Variants in MCMDC2 observed in about 807,000 individuals in gnomAD.
The protein encoded by MCMDC2 is minichromosome maintenance domain-containing protein 2.
Under a neutral mutation model 75.8 loss-of-function variants are expected in MCMDC2, and 54 were observed. The ratio of observed to expected loss-of-function variants is 0.71; its 90% confidence interval spans 0.57 to 0.89. The LOEUF (loss-of-function observed/expected upper bound fraction) is 0.89, where lower values mean the gene tolerates loss of function less well. MCMDC2 is among the 40% of genes least tolerant of loss of function. The pLI, the probability that MCMDC2 is intolerant of heterozygous loss-of-function variation, is 0.00. For missense variants in MCMDC2, 656 were observed against 780.4 expected, an observed-to-expected ratio of 0.84 and a Z score of 1.90; for synonymous variants, 249 against 274.6, an observed-to-expected ratio of 0.91 and a Z score of 0.92.
intron 14 of MCMDC2, among the ~76,000 whole-genome samples, chr8:66,916,316 G>A (rs1813317804): frequency 6.6e-6 from 1 of 152,146 alleles, no homozygotes; most frequent in Non-Finnish European, 1.5e-5. Flanking sequence ...AATGGATACA[G>A]AACCAAGTAG....
chr8:66,887,493 A>G (rs1811900193), intron 9 of MCMDC2, among the ~76,000 whole-genome samples: 1 of 152,094 alleles, frequency 6.6e-6, no homozygotes, highest in Non-Finnish European at 1.5e-5. Flanking sequence ...CGGAGGTTGC[A>G]GTGAGCAGAG....
rs112645348 is a variant in MCMDC2, at chr8:66,890,892, C to G, written c.1101C>G (p.Val367=). 4.3e-6 allele frequency: 7 copies of G among 1,611,590 alleles called. No individual in the cohort carries two copies. In the African/African-American group the frequency reaches 9.4e-5, roughly 22 times the overall value. ...DRLLNFSINL[V]PRGIRHLVST... is the part of the protein sequence containing the mutation. Reference sequence around the variant, plus strand: ...TTCTGAATTTTAGCATAAACCTTGTCCCCCGTGGTATACGTCATCTAGTCT... The same window carrying G: ...TTCTGAATTTTAGCATAAACCTTGTGCCCCGTGGTATACGTCATCTAGTCT... The change falls in exon 10 of 15, where the codon GTC becomes GTG. Residue 367 remains valine (V), a synonymous_variant. Coordinates refer to ENST00000422365, the MANE Select transcript of MCMDC2 (RefSeq NM_173518.5).
intron 11 of MCMDC2, 80 bp from the exon 12 acceptor site, chr8:66,896,700 A>C (rs1812369308): frequency 9.8e-7 from 1 of 1,016,276 alleles, no homozygotes; most frequent in South Asian, 2.7e-5. Flanking sequence ...ACATATAATA[A>C]TTACTTTGTA....
At chr8:66,924,164 C>T (rs1015904692), downstream of MCMDC2, among the ~76,000 whole-genome samples, 1 of 151,870 alleles carries the variant, frequency 6.6e-6, no homozygotes, top group African/African-American at 2.4e-5. Context: ...CCAGTGAAAA[C>T]AGAATTCAAG....
chr8:66,879,333 C>T (rs1811448848), intron 7 of MCMDC2, among the ~76,000 whole-genome samples: 1 of 152,106 alleles, frequency 6.6e-6, no homozygotes, highest in Admixed American at 6.6e-5. Flanking sequence ...TGGCTCACAC[C>T]TGTAATCCCA....
chr8:66,925,416 T>A (rs1253602515), downstream of MCMDC2: 1 of 152,458 alleles, frequency 6.6e-6, no homozygotes, highest in Non-Finnish European at 1.5e-5. Flanking sequence ...GAGTTGGACC[T>A]AAGACCGCGA....
At chr8:66,884,032 G>A in intron 9 of MCMDC2, 38 bp downstream of exon 9, 2 of 1,364,812 alleles carry the variant, frequency 1.5e-6, no homozygotes, top group Non-Finnish European at 2.1e-6. Context: ...ATATTAATTG[G>A]TCACAGATTT....
rs966579732 is a variant in MCMDC2 at position 66,910,083 on chromosome 8, G to C, written c.1879+4748G>C. The stretch of plus-strand genomic sequence containing the variant: ...TACACGTGGTGTTGGGCCTGCGGGT[G>C]CACAGAAGTCAAGAATTGAGGTTTA... On this transcript the variant is annotated intron_variant, in intron 14 of 14. Coordinates refer to ENST00000422365, the MANE Select transcript of MCMDC2 (RefSeq NM_173518.5). Among the ~76,000 whole-genome samples the C allele has an allele frequency of 7.9e-5, 12 of 152,232 alleles. No individual in the cohort carries two copies. In the East Asian group the frequency reaches 2.1e-3, roughly 27 times the overall value.
At chr8:66,877,728 G>C (rs1811361918) in intron 5 of MCMDC2, among the ~76,000 whole-genome samples, 184 bp downstream of exon 5, 1 of 151,976 alleles carries the variant, frequency 6.6e-6, no homozygotes, top group South Asian at 2.1e-4. Context: ...AGCCCAGCAT[G>C]GTGGCACATG....
At chr8:66,874,000 A>G in intron 1 of MCMDC2, 53 bp from the exon 2 acceptor site, 1 of 565,232 alleles carries the variant, frequency 1.8e-6, no homozygotes, top group East Asian at 3.3e-5. Flanking sequence ...AACTTTAATA[A>G]TTTGTAAAGT....
downstream of MCMDC2, chr8:66,926,320 ATGATCTTGTTGC>A (rs1813711827): frequency 6.6e-6 from 1 of 152,252 alleles, no homozygotes; most frequent in African/African-American, 2.4e-5. Context: ...AGAAAGGCTT[ATGATCTTGTTGC>A]CAGAAAGAAT....
At chr8:66,922,597 T>C (rs1457408494), downstream of MCMDC2, 2 of 511,328 alleles carry the variant, frequency 3.9e-6, no homozygotes, top group African/African-American at 3.9e-5. Flanking sequence ...TAACTAACAT[T>C]AATTAAATTT....
intron 14 of MCMDC2, 34 bp downstream of exon 14, chr8:66,905,369 TA>T: frequency 7.2e-7 from 1 of 1,390,434 alleles, no homozygotes; most frequent in South Asian, 1.8e-5. Context: ...TCACTACAAA[TA>T]ACTTTTATTT....
At chr8:66,889,183 C>T (rs559465583) in intron 9 of MCMDC2, among the ~76,000 whole-genome samples, 1 of 152,334 alleles carries the variant, frequency 6.6e-6, no homozygotes, top group South Asian at 2.1e-4. Context: ...TATGTCTACT[C>T]ATCATAGGTG....
chr8:66,901,525 T>G, intron 13 of MCMDC2, 177 bp downstream of exon 13: 1 of 1,310,320 alleles, frequency 7.6e-7, no homozygotes, highest in East Asian at 2.9e-5. Context: ...TATATCATGT[T>G]ACATCATTTT....
chr8:66,916,363 T>G (rs184364059), intron 14 of MCMDC2, among the ~76,000 whole-genome samples: 2 of 152,170 alleles, frequency 1.3e-5, no homozygotes, highest in East Asian at 3.9e-4. Context: ...CTTGATGTCA[T>G]CAGCTGAAAA....
rs532044457 is a variant in MCMDC2 at position 66,921,891 on chromosome 8, A to G, written c.*2722A>G. The G allele has an allele frequency of 6.6e-6, 1 of 152,294 alleles. No homozygotes were observed. The highest frequency in any genetic ancestry group is 6.5e-5 in the Admixed American group (1 of 15,302). The allele number at this position is 152,294 out of a possible 1,614,324, so 9.4% of individuals were successfully genotyped here. The stretch of plus-strand genomic sequence containing the variant: ...GATTATAATCTTTCGAATATGTTCA[A>G]AACAGGTCTGACTAGTGACTATGAG... On this transcript the variant is annotated 3_prime_UTR_variant, in exon 15 of 15. Coordinates refer to ENST00000422365, the MANE Select transcript of MCMDC2 (RefSeq NM_173518.5).
rs1015962138 is a variant in MCMDC2 at position 66,879,085 on chromosome 8, A to G, written c.709+166A>G. 3.3e-5 allele frequency among the ~76,000 whole-genome samples: 5 copies of G among 152,206 alleles called. No homozygotes were observed. In the East Asian group the frequency reaches 7.7e-4, roughly 24 times the overall value. ...AGCTTAAGCAATATAGTGAGACCCC[A>G]TCTCTACAAAAAATTAAAAAATAAA... On this transcript the variant is annotated intron_variant, in intron 7 of 14. Coordinates refer to ENST00000422365, the MANE Select transcript of MCMDC2 (RefSeq NM_173518.5).
chr8:66,885,945 G>T (rs1439637558), intron 9 of MCMDC2, among the ~76,000 whole-genome samples: 1 of 152,044 alleles, frequency 6.6e-6, no homozygotes, highest in Admixed American at 6.6e-5. Context: ...GTAGTTCATT[G>T]TTTCTGTTGA....
Sources: allele counts gnomAD v4.1 joint callset (sites outside exome capture counted in the v4.1 genomes callset), GRCh38; gene constraint gnomAD v4.1.1; transcripts MANE v1.5; gene names NCBI Gene and HGNC (gene_info 2026-07-23, HGNC 2026-07-21).